The following AGBL1 variants were observed in gnomAD, a reference collection of about 807,000 sequenced individuals.
AGBL1 encodes the protein AGBL carboxypeptidase 1.
Under a neutral mutation model 118.9 loss-of-function variants are expected in AGBL1, and 130 were observed. The observed-to-expected ratio is 1.09, with a 90% CI of 0.95 to 1.26. The LOEUF (loss-of-function observed/expected upper bound fraction) is 1.26, where lower values mean the gene tolerates loss of function less well. Among genes scored for constraint, AGBL1 ranks in the 50% most tolerant of loss-of-function variants. AGBL1 has a pLI of 0.00. For missense variants in AGBL1, 1,584 were observed against 1,298.1 expected, an observed-to-expected ratio of 1.22 and a Z score of -3.38; for synonymous variants, 555 against 478.9, an observed-to-expected ratio of 1.16 and a Z score of -2.08.
At chr15:86,929,712 G>A (rs767742401) in intron 23 of AGBL1, among the ~76,000 whole-genome samples, 1 of 152,188 alleles carries the variant, frequency 6.6e-6, no homozygotes, top group South Asian at 2.1e-4. Flanking sequence ...GAGGAATCCG[G>A]GCTTTCCAGA....
At chr15:86,080,073 T>C (rs1895162936) in intron 1 of AGBL1, 50 bp downstream of exon 1, 2 of 1,220,544 alleles carry the variant, frequency 1.6e-6, no homozygotes, top group South Asian at 8.3e-5. Context: ...GGTGTTTGCC[T>C]GGGCTGGCCT....
chr15:86,627,001 C>A (rs1233733524), intron 21 of AGBL1, among the ~76,000 whole-genome samples: 1 of 145,834 alleles, frequency 6.9e-6, no homozygotes, highest in Non-Finnish European at 1.5e-5. Context: ...CAACGACCAG[C>A]TAATTTTTTT....
chr15:86,272,138 T>C (rs757233035), intron 15 of AGBL1, among the ~76,000 whole-genome samples: 7 of 152,110 alleles, frequency 4.6e-5, no homozygotes, highest in Non-Finnish European at 8.8e-5. Context: ...TATGTGACAA[T>C]TACACATAAG....
rs1206816191 is a variant in AGBL1, at chr15:86,911,944, C to T, written c.*4650C>T. ...CCCCCATTCACCATTGAATAGTGAG[C>T]TCTAAAGTGCACAAACCTGCTATTA... On this transcript the variant is annotated 3_prime_UTR_variant, in exon 23 of 23. Coordinates refer to ENST00000614907, the MANE Select transcript of AGBL1 (RefSeq NM_001386094.1). 6.6e-6 allele frequency: 1 copy of T among 152,114 alleles called. No individual in the cohort carries two copies. Among genetic ancestry groups the T allele is most frequent in the East Asian group, 1.9e-4 (1 of 5,188 alleles). The allele number at this position is 152,114 out of a possible 1,614,324, so 9.4% of individuals were successfully genotyped here.
At chr15:87,000,091 A>T (rs1372259760) in intron 24 of AGBL1, among the ~76,000 whole-genome samples, 2,622 of 81,526 alleles carry the variant, frequency 0.032, 64 homozygotes, top group Middle Eastern at 0.059. Flanking sequence ...TTTTTCTTGT[A>T]AATTTGTTTG....
In AGBL1 at chr15:86,881,361, G is replaced by A. The variant is rs772836236; in HGVS notation, c.3159-25726G>A. On this transcript the variant is annotated intron_variant, in intron 22 of 22. Transcript: ENST00000614907. Reference sequence around the variant, plus strand: ...TCCACATCCTCCTGGTGATTCTCACGTTCTCGCCTCTCATGTCCACTTGGT... The same window carrying A: ...TCCACATCCTCCTGGTGATTCTCACATTCTCGCCTCTCATGTCCACTTGGT... Among the ~76,000 whole-genome samples, 77 of 152,044 alleles carry A rather than the reference G, an allele frequency of 5.1e-4. 1 individual carries two copies. The highest frequency in any genetic ancestry group is 1.2e-3 in the African/African-American group (49 of 41,382).
At chr15:87,022,308 CAAG>C (rs1463797432) in intron 24 of AGBL1, among the ~76,000 whole-genome samples, 2 of 152,038 alleles carry the variant, frequency 1.3e-5, no homozygotes, top group Non-Finnish European at 2.9e-5. Context: ...GGACCTAAAC[CAAG>C]AAGAACTCCC....
intron 22 of AGBL1, among the ~76,000 whole-genome samples, chr15:86,773,039 T>C (rs1312506668): frequency 6.6e-6 from 1 of 152,056 alleles, no homozygotes; most frequent in Non-Finnish European, 1.5e-5. Flanking sequence ...GGGTTAGATT[T>C]ACCTGGATTT....
chr15:86,821,260 G>T (rs1349999351), intron 22 of AGBL1, among the ~76,000 whole-genome samples: 1 of 151,994 alleles, frequency 6.6e-6, no homozygotes, highest in Non-Finnish European at 1.5e-5. Flanking sequence ...AAACCACCAT[G>T]GCACGTGTAT....
intron 23 of AGBL1, among the ~76,000 whole-genome samples, chr15:86,961,045 T>C (rs1167803309): frequency 6.6e-6 from 1 of 152,078 alleles, no homozygotes; most frequent in Non-Finnish European, 1.5e-5. Flanking sequence ...AATACTCTAT[T>C]GTATACTTGA....
At chr15:86,270,131 T>G (rs558586238) in intron 14 of AGBL1, 64 bp downstream of exon 14, 231 of 1,542,194 alleles carry the variant, frequency 1.5e-4, no homozygotes, top group Non-Finnish European at 2.0e-4. Flanking sequence ...CTTGACTGTT[T>G]GGATTCAAAG....
chr15:86,441,231 G>A lies in AGBL1; in HGVS notation c.2555+43685G>A, dbSNP rs188945820. Among the ~76,000 whole-genome samples the A allele has an allele frequency of 2.3e-4, 35 of 152,212 alleles. No individual in the cohort carries two copies. In the South Asian group the frequency reaches 3.7e-3, roughly 16 times the overall value. ...TTATTCTTATAGTAAATTTGGATGC[G>A]TGGATATAATTATCACTTGTTGTTG... On this transcript the variant is annotated intron_variant, in intron 18 of 22. Coordinates refer to ENST00000614907, the MANE Select transcript of AGBL1 (RefSeq NM_001386094.1).
rs1025658235 is a variant in AGBL1 at position 86,910,446 on chromosome 15, T to A, written c.*3152T>A. 6.6e-6 allele frequency: 1 copy of A among 152,118 alleles called. No homozygotes were observed. Among genetic ancestry groups the A allele is most frequent in the East Asian group, 1.9e-4 (1 of 5,186 alleles). The allele number at this position is 152,118 out of a possible 1,614,324, so 9.4% of individuals were successfully genotyped here. On this transcript the variant is annotated 3_prime_UTR_variant, in exon 23 of 23. Coordinates refer to ENST00000614907, the MANE Select transcript of AGBL1 (RefSeq NM_001386094.1). ...AGGCTGAATTTAATTCTGAATGTAA[T>A]GGGGGAGACTTAAAGAGCTTTCAGC...
At chr15:86,327,497 ATTAGT>A (rs1408136709) in intron 17 of AGBL1, among the ~76,000 whole-genome samples, 6 of 152,342 alleles carry the variant, frequency 3.9e-5, no homozygotes, top group East Asian at 1.9e-4. Context: ...GTTTCCAGAA[ATTAGT>A]TTAGTTCAGC....
chr15:86,281,478 C>T (rs1323506651), intron 16 of AGBL1, among the ~76,000 whole-genome samples: 1 of 152,140 alleles, frequency 6.6e-6, no homozygotes, highest in African/African-American at 2.4e-5. Flanking sequence ...TTGCCTTTCC[C>T]ATTGGGTAAG....
chr15:86,580,745 T>C (rs990710592), intron 21 of AGBL1, among the ~76,000 whole-genome samples: 1 of 151,840 alleles, frequency 6.6e-6, no homozygotes, highest in Non-Finnish European at 1.5e-5. Flanking sequence ...TTTAAACATA[T>C]ACAAGAAATT....
At chr15:86,780,145 T>G (rs533194501) in intron 22 of AGBL1, among the ~76,000 whole-genome samples, 92 of 152,312 alleles carry the variant, frequency 6.0e-4, no homozygotes, top group African/African-American at 2.2e-3. Flanking sequence ...CACTTTTAGT[T>G]ATTTCTGTAT....
chr15:86,555,543 A>T (rs2083722067), intron 21 of AGBL1, among the ~76,000 whole-genome samples: 1 of 152,200 alleles, frequency 6.6e-6, no homozygotes, highest in South Asian at 2.1e-4. Context: ...TCAAATAGCC[A>T]CTTAGTCTAA....
intron 5 of AGBL1, among the ~76,000 whole-genome samples, chr15:86,162,929 CA>C (rs2077287585): frequency 1.3e-5 from 2 of 152,170 alleles, no homozygotes; most frequent in African/African-American, 2.4e-5. Flanking sequence ...TCCATTTCAT[CA>C]GAGAAAAGGA....
Sources: allele counts gnomAD v4.1 joint callset (sites outside exome capture counted in the v4.1 genomes callset), GRCh38; gene constraint gnomAD v4.1.1; transcripts MANE v1.5; gene names NCBI Gene and HGNC (gene_info 2026-07-23, HGNC 2026-07-21).